FHIT: variants seen among roughly 807,000 people sequenced by gnomAD.
FHIT encodes the protein bis(5'-adenosyl)-triphosphatase.
Under a neutral mutation model 17.9 loss-of-function variants are expected in FHIT, and 19 were observed. The observed-to-expected ratio is 1.06, with a 90% CI of 0.74 to 1.56. FHIT has a LOEUF of 1.56. FHIT is among the 40% of genes most tolerant of loss of function. FHIT has a pLI of 0.00. For missense variants in FHIT, 248 were observed against 189.2 expected (o/e 1.31, Z -1.82); for synonymous variants, 81 against 69.7 (o/e 1.16, Z -0.81).
At chr3:60,985,975 T>C (rs1710704949) in intron 3 of FHIT, among the ~76,000 whole-genome samples, 1 of 152,208 alleles carries the variant, frequency 6.6e-6, no homozygotes, top group Non-Finnish European at 1.5e-5. Context: ...TCCAACCTCT[T>C]ACTGCTGTCC....
intron 2 of FHIT, among the ~76,000 whole-genome samples, chr3:61,196,777 G>C (rs2038863201): frequency 6.6e-6 from 1 of 152,214 alleles, no homozygotes; most frequent in Admixed American, 6.5e-5. Flanking sequence ...TGTAGCCGCT[G>C]AAGAGAGGCC....
intron 3 of FHIT, among the ~76,000 whole-genome samples, chr3:60,889,490 T>A (rs1705397529): frequency 6.6e-6 from 1 of 152,232 alleles, no homozygotes; most frequent in South Asian, 2.1e-4. Flanking sequence ...GATCAATTTT[T>A]AATAGCTACA....
chr3:60,211,103 G>T (rs1273461104), intron 5 of FHIT, among the ~76,000 whole-genome samples: 1 of 146,200 alleles, frequency 6.8e-6, no homozygotes. Flanking sequence ...GGAGGAAGAG[G>T]AAAAAGAAGA....
At chr3:59,753,681 C>T (rs551785685) in intron 8 of FHIT, among the ~76,000 whole-genome samples, 9 of 152,248 alleles carry the variant, frequency 5.9e-5, no homozygotes, top group South Asian at 4.1e-4. Flanking sequence ...ATGTGAAAGG[C>T]GCACATTATT....
chr3:61,079,185 G>A (rs1222749773), intron 2 of FHIT, among the ~76,000 whole-genome samples: 1 of 152,144 alleles, frequency 6.6e-6, no homozygotes, highest in East Asian at 1.9e-4. Flanking sequence ...CTAGCAAGTT[G>A]TACAACTGAG....
At chr3:61,190,121 A>G (rs945956836) in intron 2 of FHIT, among the ~76,000 whole-genome samples, 1 of 152,220 alleles carries the variant, frequency 6.6e-6, no homozygotes, top group African/African-American at 2.4e-5. Context: ...GCACAGCAAA[A>G]GAAACTACCA....
chr3:60,977,600 G>A (rs1710317960), intron 3 of FHIT, among the ~76,000 whole-genome samples: 1 of 152,126 alleles, frequency 6.6e-6, no homozygotes, highest in Non-Finnish European at 1.5e-5. Context: ...GGCTGGGTGC[G>A]GTGGTTCACG....
chr3:60,013,971 G>GAAGA (rs959680012), intron 6 of FHIT, 36 bp downstream of exon 6: 4 of 1,605,842 alleles, frequency 2.5e-6, no homozygotes, highest in Non-Finnish European at 3.4e-6. Flanking sequence ...ATATGAAAGG[G>GAAGA]AAGAAAAATC....
rs2040511747 is a variant in FHIT, at chr3:61,247,330, T to C, written c.-213+3971A>G. 2.6e-5 allele frequency among the ~76,000 whole-genome samples: 4 copies of C among 152,292 alleles called. No homozygotes were observed. In the South Asian group the frequency reaches 8.3e-4, roughly 32 times the overall value. On this transcript the variant is annotated intron_variant, in intron 1 of 9. Transcript: ENST00000492590. The stretch of plus-strand genomic sequence containing the variant: ...CCTCATGGCTATTGAAGTTGTCAGC[T>C]TTAGAAAGAAGCACTGCCACATCCC...
intron 5 of FHIT, among the ~76,000 whole-genome samples, chr3:60,195,043 G>A (rs1457636791): frequency 6.6e-6 from 1 of 152,114 alleles, no homozygotes; most frequent in Non-Finnish European, 1.5e-5. Flanking sequence ...GCAGGGAGCT[G>A]TAATCCCAGC....
intron 3 of FHIT, among the ~76,000 whole-genome samples, chr3:60,910,994 G>A (rs17064185): frequency 0.27 from 40,367 of 152,092 alleles, 5,762 homozygotes; most frequent in Middle Eastern, 0.35. Flanking sequence ...AGATTTTAAA[G>A]ATAGAAATAA....
At chr3:60,555,778 C>A (rs566815960) in intron 4 of FHIT, among the ~76,000 whole-genome samples, 1 of 152,330 alleles carries the variant, frequency 6.6e-6, no homozygotes, top group African/African-American at 2.4e-5. Flanking sequence ...CATCATCCAA[C>A]ACTAACAAGC....
chr3:60,379,613 C>T (rs1700717991), intron 5 of FHIT, among the ~76,000 whole-genome samples: 1 of 151,972 alleles, frequency 6.6e-6, no homozygotes, highest in African/African-American at 2.4e-5. Context: ...AGGTCATTAC[C>T]AAAATGAAAA....
At chr3:60,337,747 G>T (rs998004273) in intron 5 of FHIT, among the ~76,000 whole-genome samples, 1 of 152,098 alleles carries the variant, frequency 6.6e-6, no homozygotes, top group Non-Finnish European at 1.5e-5. Flanking sequence ...AGGCTTCTGG[G>T]AAACCACATG....
chr3:60,742,211 G>A (rs1186698987), intron 4 of FHIT, among the ~76,000 whole-genome samples: 1 of 152,160 alleles, frequency 6.6e-6, no homozygotes, highest in Non-Finnish European at 1.5e-5. Context: ...GTGAAATTAT[G>A]ATGCTAATTA....
intron 4 of FHIT, among the ~76,000 whole-genome samples, chr3:60,704,171 A>G (rs1480114099): frequency 6.6e-6 from 1 of 152,124 alleles, no homozygotes; most frequent in Non-Finnish European, 1.5e-5. Flanking sequence ...CCTAGTTAGA[A>G]TCTCTAAACA....
chr3:59,990,332 C>T (rs1168277689), intron 7 of FHIT, among the ~76,000 whole-genome samples: 6 of 152,064 alleles, frequency 3.9e-5, no homozygotes, highest in South Asian at 2.1e-4. Context: ...TGGCCTCAAT[C>T]GGTAGCAATT....
chr3:61,082,733 A>T (rs1362045684), intron 2 of FHIT, among the ~76,000 whole-genome samples: 1 of 152,242 alleles, frequency 6.6e-6, no homozygotes, highest in South Asian at 2.1e-4. Context: ...TTAGTCATTC[A>T]GATGAGTGTC....
intron 5 of FHIT, among the ~76,000 whole-genome samples, chr3:60,318,335 T>A (rs1156269442): frequency 3.9e-5 from 6 of 152,142 alleles, no homozygotes; most frequent in Non-Finnish European, 7.3e-5. Flanking sequence ...TTTATCTTAT[T>A]GTGAAAGAAA....
Sources: allele counts gnomAD v4.1 joint callset (sites outside exome capture counted in the v4.1 genomes callset), GRCh38; gene constraint gnomAD v4.1.1; transcripts MANE v1.5; gene names NCBI Gene and HGNC (gene_info 2026-07-23, HGNC 2026-07-21).